Variants in RANBP2 observed in about 807,000 individuals in gnomAD.
RANBP2 encodes the protein E3 SUMO-protein ligase RanBP2.
In RANBP2, 57 loss-of-function variants were observed where a neutral mutation model predicts 303.6. That is an observed-to-expected ratio of 0.19 (90% CI 0.15 to 0.23). The LOEUF is 0.23. Ranked by LOEUF, RANBP2 falls within the 10% of genes least tolerant of loss-of-function variation. The pLI is 1.00. For synonymous variants in RANBP2, 1,167 were observed against 1,301.5 expected (o/e 0.90, Z 2.23); for missense variants, 3,138 against 3,780.8 (o/e 0.83, Z 4.46).
the RANBP2 span, among the ~76,000 whole-genome samples, chr2:109,059,522 G>T: frequency 5.9e-5 from 9 of 151,828 alleles, no homozygotes; most frequent in East Asian, 1.7e-3. Context: ...CTTGCACTGA[G>T]CTGAGATCAC....
rs748155574 is a variant in RANBP2 at position 108,764,484 on chromosome 2, G to A, written c.3945G>A (p.Ala1315=). The change falls in exon 20 of 29, where the codon GCG becomes GCA. Residue 1315 remains alanine, a synonymous_variant. Coordinates refer to ENST00000283195, the MANE Select transcript of RANBP2 (RefSeq NM_006267.5). ...LKAPGTNVAM[A]SNQAVRIVKE... ...CCCCAGGAACAAATGTAGCCATGGC[G>A]TCAAATCAGGCTGTCAGAATTGTAA... 2.3e-5 allele frequency: 37 copies of A among 1,613,838 alleles called. No individual in the cohort carries two copies. Among genetic ancestry groups the A allele is most frequent in the Middle Eastern group, 3.3e-4 (2 of 6,084 alleles).
intron 4 of RANBP2, among the ~76,000 whole-genome samples, chr2:108,732,587 G>A (rs1024521507): frequency 6.6e-6 from 1 of 152,188 alleles, no homozygotes; most frequent in African/African-American, 2.4e-5. Context: ...GGTACAATGT[G>A]TATGTATAGT....
chr2:109,188,066 A>G, the RANBP2 span, among the ~76,000 whole-genome samples: 4,452 of 152,302 alleles, frequency 0.029, 99 homozygotes, highest in Non-Finnish European at 0.044. Flanking sequence ...CCGTGAGCGT[A>G]GTGAGTGGTC....
At chr2:109,447,147 T>TAAAAAAAAAAAAAAAAA in the RANBP2 span, among the ~76,000 whole-genome samples, 19 of 82,526 alleles carry the variant, frequency 2.3e-4, no homozygotes, top group Non-Finnish European at 3.2e-4. Context: ...CCTGAATATT[T>TAAAAAAAAAAAAAAAAA]AAAAAAAAAA....
At chr2:109,532,224 C>T in the RANBP2 span, among the ~76,000 whole-genome samples, 5 of 152,228 alleles carry the variant, frequency 3.3e-5, no homozygotes, top group African/African-American at 1.2e-4. Flanking sequence ...CAGAAGCATC[C>T]CCTGCAAGGG....
the RANBP2 span, among the ~76,000 whole-genome samples, chr2:108,811,702 T>C: frequency 6.6e-6 from 1 of 152,302 alleles, no homozygotes; most frequent in East Asian, 1.9e-4. Flanking sequence ...GCTTCTAAAA[T>C]GTACTCTTCA....
the RANBP2 span, among the ~76,000 whole-genome samples, chr2:109,198,992 C>T: frequency 6.6e-5 from 10 of 152,252 alleles, no homozygotes; most frequent in Non-Finnish European, 1.2e-4. Context: ...CAGGTCTTCA[C>T]GTGGTGTGTG....
the RANBP2 span, among the ~76,000 whole-genome samples, chr2:109,345,855 T>G: frequency 6.6e-6 from 1 of 152,178 alleles, no homozygotes; most frequent in Admixed American, 6.5e-5. Context: ...GAGGCTGTCC[T>G]GGGCATTGCA....
At chr2:109,294,901 A>T in the RANBP2 span, among the ~76,000 whole-genome samples, 2 of 152,354 alleles carry the variant, frequency 1.3e-5, no homozygotes, top group African/African-American at 4.8e-5. Flanking sequence ...TGAGGAGAGA[A>T]GCAGGGAGGG....
the RANBP2 span, among the ~76,000 whole-genome samples, chr2:109,139,830 C>T: frequency 6.6e-6 from 1 of 152,152 alleles, no homozygotes; most frequent in Non-Finnish European, 1.5e-5. Context: ...TGCCAAAGAC[C>T]AATGTGTCCA....
the RANBP2 span, among the ~76,000 whole-genome samples, chr2:109,211,259 T>C: frequency 0.43 from 65,663 of 152,080 alleles, 17,020 homozygotes; most frequent in East Asian, 0.8. Flanking sequence ...GGCTAGGTGG[T>C]GAGGGGATGT....
At chr2:108,907,831 G>A in the RANBP2 span, 16 of 1,612,856 alleles carry the variant, frequency 9.9e-6, no homozygotes, top group Non-Finnish European at 1.4e-5. Flanking sequence ...ACATCTCACA[G>A]CTCATCATGG....
At position 108,753,175 on chromosome 2, in the gene RANBP2, T is replaced by C; in HGVS notation, c.1917+16T>C. ...AGACATTCAGGTAACAGAGTTCCTTTATGAATTTATTGGAGATGGGAATTT... is the reference window on the plus strand; with the variant it reads ...AGACATTCAGGTAACAGAGTTCCTTCATGAATTTATTGGAGATGGGAATTT... On this transcript the variant is annotated intron_variant, in intron 13 of 28. Coordinates refer to ENST00000283195, the MANE Select transcript of RANBP2 (RefSeq NM_006267.5). 1 of 1,611,500 alleles carries C rather than the reference T, an allele frequency of 6.2e-7. No individual in the cohort carries two copies. Among genetic ancestry groups the C allele is most frequent in the Non-Finnish European group, 8.5e-7 (1 of 1,179,630 alleles).
chr2:108,771,839 G>A lies in RANBP2; in HGVS notation c.7988G>A (p.Arg2663Lys). ...CCAACTTTCTTCTGCTACAAGAATA[G>A]ACCAGATTATGTTAGTGAAGAAGAG... ...LPPTFFCYKN[R>K]PDYVSEEEED... Residue 2663 changes from arginine to lysine, a missense_variant, in exon 21 of 29, where the codon AGA (arginine) becomes AAA (lysine). Arg to Lys is a conservative substitution (Grantham distance 26). Coordinates refer to ENST00000283195, the MANE Select transcript of RANBP2 (RefSeq NM_006267.5). 7.4e-6 allele frequency: 12 copies of A among 1,613,996 alleles called. No individual in the cohort carries two copies. The highest frequency in any genetic ancestry group is 1.0e-5 in the Non-Finnish European group (12 of 1,179,950).
chr2:109,600,883 C>T, the RANBP2 span, among the ~76,000 whole-genome samples: 1 of 152,208 alleles, frequency 6.6e-6, no homozygotes. Flanking sequence ...GCTCCATTTA[C>T]CAGTTTATTA....
the RANBP2 span, among the ~76,000 whole-genome samples, chr2:109,281,033 C>G: frequency 6.6e-6 from 1 of 152,346 alleles, no homozygotes; most frequent in East Asian, 1.9e-4. Flanking sequence ...CTGAGCCATG[C>G]TGTCCCCAGA....
the RANBP2 span, among the ~76,000 whole-genome samples, chr2:108,917,737 C>T: frequency 2.0e-5 from 3 of 152,118 alleles, no homozygotes; most frequent in African/African-American, 7.2e-5. Context: ...ACAAGTGTCT[C>T]ACCTCTGCTT....
the RANBP2 span, among the ~76,000 whole-genome samples, chr2:109,057,597 T>C: frequency 1.3e-5 from 2 of 152,340 alleles, no homozygotes; most frequent in East Asian, 1.9e-4. Context: ...GGGCCATTTG[T>C]GGCCAGTAAA....
At chr2:109,437,533 C>A in the RANBP2 span, among the ~76,000 whole-genome samples, 2 of 152,210 alleles carry the variant, frequency 1.3e-5, no homozygotes, top group African/African-American at 2.4e-5. Context: ...ATGCCTCCCC[C>A]ATGAATGATT....
Sources: allele counts gnomAD v4.1 joint callset (sites outside exome capture counted in the v4.1 genomes callset), GRCh38; gene constraint gnomAD v4.1.1; transcripts MANE v1.5; gene names NCBI Gene and HGNC (gene_info 2026-07-23, HGNC 2026-07-21).